DYM: variants seen among roughly 807,000 people sequenced by gnomAD.
The protein encoded by DYM is dyggve-Melchior-Clausen syndrome protein.
DYM carries 78 observed loss-of-function variants against 93.1 expected under a neutral mutation model. The observed-to-expected ratio is 0.84, with a 90% CI of 0.70 to 1.01. The LOEUF (loss-of-function observed/expected upper bound fraction) is 1.01, where lower values mean the gene tolerates loss of function less well. Ranked by LOEUF, DYM falls within the 50% of genes least tolerant of loss-of-function variation. The probability of loss-of-function intolerance (pLI) is 0.00; values close to 1 mark genes in which losing one functional copy is unlikely to be tolerated. For missense variants in DYM, 789 were observed against 845.0 expected (o/e 0.93, Z 0.82); for synonymous variants, 321 against 319.7 (o/e 1.00, Z -0.04).
intron 14 of DYM, among the ~76,000 whole-genome samples, chr18:49,166,363 G>A (rs975199735): frequency 6.6e-6 from 1 of 152,088 alleles, no homozygotes; most frequent in Non-Finnish European, 1.5e-5. Context: ...AAAGGATATG[G>A]ATATACCGTA....
At position 49,318,755 on chromosome 18, in the gene DYM, C is replaced by G. The variant is rs548520646; in HGVS notation, c.763+13109G>C. ...TTTTAGTTACTCAAATAGCATCTCTCTTGATAAACATGTATATGAACAGGT... is the reference window on the plus strand; with the variant it reads ...TTTTAGTTACTCAAATAGCATCTCTGTTGATAAACATGTATATGAACAGGT... On this transcript the variant is annotated intron_variant, in intron 8 of 17. Coordinates refer to ENST00000675505, the MANE Select transcript of DYM (RefSeq NM_001353214.3). Among the ~76,000 whole-genome samples the G allele has an allele frequency of 3.4e-5, 5 of 149,174 alleles. No individual in the cohort carries two copies. The South Asian group carries it at 8.6e-4, about 26-fold the overall frequency.
At chr18:49,083,612 T>G (rs1239931810) in intron 17 of DYM, among the ~76,000 whole-genome samples, 3 of 152,228 alleles carry the variant, frequency 2.0e-5, no homozygotes, top group Non-Finnish European at 4.4e-5. Context: ...TATTTACCAG[T>G]GAAGACATAT....
chr18:49,404,423 T>G (rs1443619542), intron 2 of DYM, among the ~76,000 whole-genome samples: 13 of 152,214 alleles, frequency 8.5e-5, no homozygotes. Flanking sequence ...TATTTTCTTT[T>G]GAATATATAC....
chr18:49,348,679 C>A (rs947688440), intron 6 of DYM, among the ~76,000 whole-genome samples: 1 of 151,288 alleles, frequency 6.6e-6, no homozygotes, highest in East Asian at 1.9e-4. Context: ...GAGGCCAAGG[C>A]GAGTGGATTA....
At chr18:49,175,361 TA>T (rs2089266064) in intron 14 of DYM, among the ~76,000 whole-genome samples, 1 of 152,184 alleles carries the variant, frequency 6.6e-6, no homozygotes, top group Non-Finnish European at 1.5e-5. Context: ...GATTTTAGTT[TA>T]AAAATCTTAT....
intron 14 of DYM, among the ~76,000 whole-genome samples, chr18:49,183,003 T>C (rs902419110): frequency 2.0e-5 from 3 of 152,240 alleles, no homozygotes; most frequent in Non-Finnish European, 2.9e-5. Context: ...TTAGATATTT[T>C]ACGTAGAAAC....
chr18:49,049,115 GATC>G (rs2072043501), intron 17 of DYM, among the ~76,000 whole-genome samples: 1 of 151,748 alleles, frequency 6.6e-6, no homozygotes, highest in Non-Finnish European at 1.5e-5. Context: ...TCTTCAAGCT[GATC>G]ATTATTTCCA....
Position 49,270,026 on chromosome 18 carries a change from T to C in DYM, c.1251+2152A>G, listed in dbSNP as rs796518230. The stretch of plus-strand genomic sequence containing the variant: ...TGTTTAGATAAACAAATACTTACCA[T>C]TGTGTTACAACTGCTTACAGTATAC... On this transcript the variant is annotated intron_variant, in intron 11 of 17. Transcript: ENST00000675505. Among the ~76,000 whole-genome samples, 8 of 152,336 alleles carry C rather than the reference T, an allele frequency of 5.3e-5. No individual in the cohort carries two copies. In the East Asian group the frequency reaches 1.2e-3, roughly 22 times the overall value.
chr18:49,453,777 A>G (rs2082735206), intron 1 of DYM, among the ~76,000 whole-genome samples: 1 of 152,210 alleles, frequency 6.6e-6, no homozygotes, highest in African/African-American at 2.4e-5. Flanking sequence ...AGTTTGCTAG[A>G]ACTTCTTATT....
intron 11 of DYM, among the ~76,000 whole-genome samples, chr18:49,268,212 C>T (rs2094604624): frequency 6.6e-6 from 1 of 152,070 alleles, no homozygotes; most frequent in African/African-American, 2.4e-5. Context: ...TAGGTTCACA[C>T]TAATGATTCC....
Position 49,179,621 on chromosome 18 carries a change from TAC to T in DYM, c.1626-15836_1626-15835del, listed in dbSNP as rs1223172175. Among the ~76,000 whole-genome samples the T allele has an allele frequency of 3.3e-5, 5 of 152,280 alleles. No homozygotes were observed. In the East Asian group the frequency reaches 9.6e-4, roughly 29 times the overall value. On this transcript the variant is annotated intron_variant, in intron 14 of 17. Transcript: ENST00000675505. ...TAGTTACCATCTATAGAGTATCTAT[TAC>T]ACAACAAATACAGGATTGGGTCTTT...
chr18:49,052,919 C>G (rs2075145583), intron 17 of DYM, among the ~76,000 whole-genome samples: 1 of 152,188 alleles, frequency 6.6e-6, no homozygotes, highest in Admixed American at 6.5e-5. Flanking sequence ...TTATCTCAAG[C>G]TCAGGCTACT....
Position 49,258,365 on chromosome 18 carries a change from A to G in DYM, c.1365+15T>C. ...CTGTATGCAAAAAAGATAGAATAGC[A>G]GCTGGAATACTTACTCGTGTCCTAG... On this transcript the variant is annotated intron_variant, in intron 12 of 17. Coordinates refer to ENST00000675505, the MANE Select transcript of DYM (RefSeq NM_001353214.3). 4 of 1,518,256 alleles carry G rather than the reference A, an allele frequency of 2.6e-6. No individual in the cohort carries two copies. Among genetic ancestry groups the G allele is most frequent in the Non-Finnish European group, 3.7e-6 (4 of 1,092,604 alleles). The allele number at this position is 1,518,256 out of a possible 1,614,324, so 94.0% of individuals were successfully genotyped here.
At chr18:49,160,393 T>G (rs1442784367) in intron 15 of DYM, among the ~76,000 whole-genome samples, 3 of 152,200 alleles carry the variant, frequency 2.0e-5, no homozygotes, top group African/African-American at 7.2e-5. Context: ...ATTTGTGAAT[T>G]ATACAGTATA....
chr18:49,398,731 T>C (rs2070423620), intron 2 of DYM, among the ~76,000 whole-genome samples: 1 of 152,200 alleles, frequency 6.6e-6, no homozygotes, highest in Non-Finnish European at 1.5e-5. Flanking sequence ...TTCTGGCATA[T>C]AGTAAGTAAA....
chr18:49,240,250 A>C (rs1300136079), intron 13 of DYM, among the ~76,000 whole-genome samples: 6 of 152,192 alleles, frequency 3.9e-5, no homozygotes, highest in Non-Finnish European at 7.3e-5. Context: ...AGGGCATTAG[A>C]GTGCTGGTTC....
intron 1 of DYM, among the ~76,000 whole-genome samples, chr18:49,442,733 TACTA>T (rs531546261): frequency 9.3e-4 from 142 of 152,190 alleles, no homozygotes; most frequent in Non-Finnish European, 1.8e-3. Flanking sequence ...GTTTCACATA[TACTA>T]ACTGATTTTA....
chr18:49,115,563 A>T (rs1308682183), intron 16 of DYM, among the ~76,000 whole-genome samples: 1 of 152,224 alleles, frequency 6.6e-6, no homozygotes, highest in African/African-American at 2.4e-5. Flanking sequence ...GTTAGAACAG[A>T]TGGGATAGAG....
chr18:49,109,957 T>C (rs1458937301), intron 16 of DYM, among the ~76,000 whole-genome samples: 1 of 152,250 alleles, frequency 6.6e-6, no homozygotes, highest in African/African-American at 2.4e-5. Context: ...ACATCTTACT[T>C]TTATATGTTA....
Sources: allele counts gnomAD v4.1 joint callset (sites outside exome capture counted in the v4.1 genomes callset), GRCh38; gene constraint gnomAD v4.1.1; transcripts MANE v1.5; gene names NCBI Gene and HGNC (gene_info 2026-07-23, HGNC 2026-07-21).